The following PTPRJ variants were observed in gnomAD, a reference collection of about 807,000 sequenced individuals.
The protein encoded by PTPRJ is protein tyrosine phosphatase receptor type J, also known as receptor-type tyrosine-protein phosphatase eta.
In PTPRJ, 129 loss-of-function variants were observed where a neutral mutation model predicts 141.3. The observed-to-expected ratio is 0.91, with a 90% CI of 0.79 to 1.06. The LOEUF is 1.06. Among genes scored for constraint, PTPRJ ranks in the 50% least tolerant of loss-of-function variants. The probability of loss-of-function intolerance (pLI) is 0.00; values close to 1 mark genes in which losing one functional copy is unlikely to be tolerated. For synonymous variants in PTPRJ, 610 were observed against 640.5 expected (o/e 0.95, Z 0.72); for missense variants, 1,601 against 1,679.7 (o/e 0.95, Z 0.82).
intron 22 of PTPRJ, among the ~76,000 whole-genome samples, chr11:48,160,779 A>T (rs1366407474): frequency 1.3e-5 from 2 of 152,206 alleles, no homozygotes; most frequent in African/African-American, 4.8e-5. Flanking sequence ...TATTTATAAT[A>T]GAGGAAAACT....
chr11:48,103,614 G>A (rs1006262531), intron 1 of PTPRJ, among the ~76,000 whole-genome samples: 1 of 152,162 alleles, frequency 6.6e-6, no homozygotes, highest in Admixed American at 6.5e-5. Flanking sequence ...TATGTTCAAA[G>A]TAAAAAACAA....
At chr11:47,990,684 T>G (rs1340619376) in intron 1 of PTPRJ, among the ~76,000 whole-genome samples, 1 of 127,922 alleles carries the variant, frequency 7.8e-6, no homozygotes, top group African/African-American at 3.5e-5. Flanking sequence ...AGTGTTGGGA[T>G]TTTTTTTTTT....
chr11:48,169,943 G>A lies in PTPRJ; in HGVS notation c.*2581G>A, dbSNP rs1858016884. On this transcript the variant is annotated 3_prime_UTR_variant, in exon 25 of 25. Coordinates refer to ENST00000418331, the MANE Select transcript of PTPRJ (RefSeq NM_002843.4). Reference sequence around the variant, plus strand: ...AAGGGCTGGGGACAGGGCCAGTGGGGGTGGTAAGGGTATTTATAGCACAGT... The same window carrying A: ...AAGGGCTGGGGACAGGGCCAGTGGGAGTGGTAAGGGTATTTATAGCACAGT... The A allele has an allele frequency of 6.6e-6, 1 of 152,116 alleles. No homozygotes were observed. The highest frequency in any genetic ancestry group is 1.5e-5 in the Non-Finnish European group (1 of 68,064). The allele number at this position is 152,116 out of a possible 1,614,324, so 9.4% of individuals were successfully genotyped here. A position where few individuals can be genotyped will look rare whatever the true frequency, so the allele number is the denominator to read the frequency against.
At chr11:48,164,558 A>ATTTTTTTTT (rs60806872) in intron 24 of PTPRJ, 43 bp downstream of exon 24, 24 of 774,334 alleles carry the variant, frequency 3.1e-5, no homozygotes, top group South Asian at 1.1e-4. Context: ...CTTCCCCTCC[A>ATTTTTTTTT]TTTTTTTTTT....
intron 4 of PTPRJ, among the ~76,000 whole-genome samples, chr11:48,122,373 G>A (rs944656672): frequency 5.3e-5 from 8 of 152,332 alleles, no homozygotes; most frequent in Non-Finnish European, 8.8e-5. Flanking sequence ...AGGAAGCACC[G>A]GTAGAGGGGC....
Position 47,984,223 on chromosome 11 carries a change from AT to A in PTPRJ, c.96+3219del, listed in dbSNP as rs551555525. Among the ~76,000 whole-genome samples the A allele has an allele frequency of 3.8e-3, 585 of 152,254 alleles. 2 individuals are homozygous for A. Among genetic ancestry groups the A allele is most frequent in the African/African-American group, 0.014 (565 of 41,546 alleles). On this transcript the variant is annotated intron_variant, in intron 1 of 24. Coordinates refer to ENST00000418331, the MANE Select transcript of PTPRJ (RefSeq NM_002843.4). The stretch of plus-strand genomic sequence containing the variant: ...GAGGATCCTGGCTTCCAAATGAGCA[AT>A]TTTGGTCAGCAAAGGGGTTATTTAG...
At chr11:48,009,478 C>T (rs113187304) in intron 1 of PTPRJ, among the ~76,000 whole-genome samples, 1,658 of 152,256 alleles carry the variant, frequency 0.011, 28 homozygotes, top group African/African-American at 0.038. Context: ...TGCCTGTAAT[C>T]CCAGCTACTC....
intron 1 of PTPRJ, among the ~76,000 whole-genome samples, chr11:48,033,124 G>C (rs1590421048): frequency 1.3e-5 from 2 of 152,224 alleles, no homozygotes; most frequent in South Asian, 4.2e-4. Context: ...TAGGGTAAGG[G>C]AATACAGCGT....
Position 47,980,873 on chromosome 11 carries a change from C to G in PTPRJ, c.-40C>G. Reference sequence around the variant, plus strand: ...CCGGGCTCGGGCGCACGGCGGGGCCCGATTCGCGCGTCCGGGGCACGTTCC... The same window carrying G: ...CCGGGCTCGGGCGCACGGCGGGGCCGGATTCGCGCGTCCGGGGCACGTTCC... On this transcript the variant is annotated 5_prime_UTR_variant, in exon 1 of 25. Transcript: ENST00000418331. The G allele has an allele frequency of 9.0e-7, 1 of 1,105,402 alleles. No homozygotes were observed. The highest frequency in any genetic ancestry group is 1.1e-6 in the Non-Finnish European group (1 of 908,698). The allele number at this position is 1,105,402 out of a possible 1,614,324, so 68.5% of individuals were successfully genotyped here. A position where few individuals can be genotyped will look rare whatever the true frequency, so the allele number is the denominator to read the frequency against.
chr11:48,158,218 T>C lies in PTPRJ; in HGVS notation c.3439-1712T>C, dbSNP rs953333197. Among the ~76,000 whole-genome samples, 3 of 152,194 alleles carry C rather than the reference T, an allele frequency of 2.0e-5. No individual in the cohort carries two copies. The highest frequency in any genetic ancestry group is 6.5e-5 in the Admixed American group (1 of 15,280). On this transcript the variant is annotated intron_variant, in intron 21 of 24. Coordinates refer to ENST00000418331, the MANE Select transcript of PTPRJ (RefSeq NM_002843.4). This position sits in a 1 kb window ranked among gnomAD's most constrained non-coding sequence, Gnocchi z 4.4. ...TTTAATACTGTTGAGCCCAGGGCCTTATACATGAAACATTCTTATAAATCT... is the reference window on the plus strand; with the variant it reads ...TTTAATACTGTTGAGCCCAGGGCCTCATACATGAAACATTCTTATAAATCT...
chr11:48,023,703 A>C (rs565630308), intron 1 of PTPRJ, among the ~76,000 whole-genome samples: 2 of 151,952 alleles, frequency 1.3e-5, no homozygotes, highest in Non-Finnish European at 2.9e-5. Flanking sequence ...AATCACTTGA[A>C]CCTGGAAGGC....
At chr11:48,087,456 C>T (rs895062291) in intron 1 of PTPRJ, among the ~76,000 whole-genome samples, 6 of 152,180 alleles carry the variant, frequency 3.9e-5, no homozygotes, top group Non-Finnish European at 7.3e-5. Flanking sequence ...GGCCCTCTGT[C>T]AACCCTTCAC....
chr11:48,079,024 A>T (rs1855491212), intron 1 of PTPRJ, among the ~76,000 whole-genome samples: 1 of 152,098 alleles, frequency 6.6e-6, no homozygotes, highest in African/African-American at 2.4e-5. Context: ...CTGGAAATGC[A>T]AAGACGGGCA....
At position 47,990,683 on chromosome 11, in the gene PTPRJ, A is replaced by ATT. The variant is rs58395455; in HGVS notation, c.96+9693_96+9694dup. 2.2e-4 allele frequency among the ~76,000 whole-genome samples: 28 copies of ATT among 127,738 alleles called. 1 individual carries two copies. Among genetic ancestry groups the ATT allele is most frequent in the African/African-American group, 5.7e-4 (19 of 33,252 alleles). 83.8% of individuals were successfully genotyped at this position (127,738 alleles called of 152,430 possible). ...TGCCTTGGCCTCCCAAAGTGTTGGGATTTTTTTTTTTTTTTTTTTGGAGAC... is the reference window on the plus strand; with the variant it reads ...TGCCTTGGCCTCCCAAAGTGTTGGGATTTTTTTTTTTTTTTTTTTTTGGAGAC... On this transcript the variant is annotated intron_variant, in intron 1 of 24. Coordinates refer to ENST00000418331, the MANE Select transcript of PTPRJ (RefSeq NM_002843.4).
chr11:48,135,880 G>A (rs1428867136), intron 8 of PTPRJ, among the ~76,000 whole-genome samples, 159 bp from the exon 9 acceptor site: 2 of 152,086 alleles, frequency 1.3e-5, no homozygotes, highest in African/African-American at 2.4e-5. Flanking sequence ...TGAGAGCACT[G>A]AGTGTGTGCA....
intron 8 of PTPRJ, among the ~76,000 whole-genome samples, chr11:48,135,139 T>G (rs1477179775): frequency 6.6e-6 from 1 of 151,386 alleles, no homozygotes; most frequent in Non-Finnish European, 1.5e-5. Flanking sequence ...AAACTGAATG[T>G]GATTTCCACT....
At chr11:48,097,397 C>T (rs1856037602) in intron 1 of PTPRJ, among the ~76,000 whole-genome samples, 2 of 152,226 alleles carry the variant, frequency 1.3e-5, no homozygotes, top group South Asian at 4.1e-4. Context: ...CTCACCCTTT[C>T]CTTTACATAA....
chr11:48,005,406 A>T (rs1301210782), intron 1 of PTPRJ, among the ~76,000 whole-genome samples: 1 of 151,892 alleles, frequency 6.6e-6, no homozygotes, highest in East Asian at 1.9e-4. Flanking sequence ...TGTTTCTGTG[A>T]ATTTACCTGT....
At chr11:48,102,106 G>T (rs921355108) in intron 1 of PTPRJ, among the ~76,000 whole-genome samples, 1 of 152,132 alleles carries the variant, frequency 6.6e-6, no homozygotes, top group Non-Finnish European at 1.5e-5. Flanking sequence ...ATGTCTTCAG[G>T]GACATTTGGG....
Sources: allele counts gnomAD v4.1 joint callset (sites outside exome capture counted in the v4.1 genomes callset), GRCh38; gene constraint gnomAD v4.1.1; non-coding constraint Gnocchi (gnomAD v3.1); transcripts MANE v1.5; gene names NCBI Gene and HGNC (gene_info 2026-07-23, HGNC 2026-07-21).